SCOC: variants seen among roughly 807,000 people sequenced by gnomAD.
The protein encoded by SCOC is short coiled coil protein.
SCOC carries 7 observed loss-of-function variants against 9.9 expected under a neutral mutation model. The observed-to-expected ratio is 0.71, with a 90% confidence interval of 0.40 to 1.33. The LOEUF is 1.33. SCOC is among the 40% of genes most tolerant of loss of function. The pLI, the probability that SCOC is intolerant of heterozygous loss-of-function variation, is 0.01. For missense variants in SCOC, 66 were observed against 89.7 expected (o/e 0.74, Z 1.07); for synonymous variants, 19 against 28.2 (o/e 0.67, Z 1.03).
Position 140,321,322 on chromosome 4 carries a change from G to A in SCOC, c.-18-22299G>A, listed in dbSNP as rs145211438. On this transcript the variant is annotated intron_variant, in intron 1 of 4. Transcript: ENST00000394205. ...ACACAAAAAGGCAAGAAAAAACACA[G>A]TATGGAAAACTGTGTTTCCCAAAGT... Among the ~76,000 whole-genome samples the A allele has an allele frequency of 6.6e-3, 1,009 of 152,254 alleles. 12 individuals carry two copies. The highest frequency in any genetic ancestry group is 0.011 in the Non-Finnish European group (745 of 68,020).
At chr4:140,337,204 C>T (rs1217719253) in intron 1 of SCOC, among the ~76,000 whole-genome samples, 2 of 152,058 alleles carry the variant, frequency 1.3e-5, no homozygotes, top group African/African-American at 2.4e-5. Flanking sequence ...TTCACATTCT[C>T]GATAATGTCT....
chr4:140,287,431 T>C (rs1731318829), intron 1 of SCOC, among the ~76,000 whole-genome samples: 1 of 147,774 alleles, frequency 6.8e-6, no homozygotes, highest in Admixed American at 6.7e-5. Flanking sequence ...ACACAGACCA[T>C]GCACATACAT....
chr4:140,313,762 G>A (rs1030366085), intron 1 of SCOC, among the ~76,000 whole-genome samples: 1 of 151,874 alleles, frequency 6.6e-6, no homozygotes, highest in Admixed American at 6.6e-5. Context: ...AAGCAAAAAA[G>A]CCATCGTTTC....
At chr4:140,362,305 T>TCTTCTTCTTCTTCTTCTTC (rs1357436782) in intron 2 of SCOC, among the ~76,000 whole-genome samples, 6 of 9,236 alleles carry the variant, frequency 6.5e-4, no homozygotes, top group East Asian at 3.9e-3. Context: ...TCTTCTTTTT[T>TCTTCTTCTTCTTCTTCTTC]TTTTTTTTTT....
At chr4:140,337,246 A>G (rs1488511069) in intron 1 of SCOC, among the ~76,000 whole-genome samples, 1 of 152,194 alleles carries the variant, frequency 6.6e-6, no homozygotes, top group Non-Finnish European at 1.5e-5. Flanking sequence ...ATTTTTATGA[A>G]GTCCAATTTA....
At chr4:140,338,021 C>T (rs1172185481) in intron 1 of SCOC, among the ~76,000 whole-genome samples, 2 of 152,180 alleles carry the variant, frequency 1.3e-5, no homozygotes, top group African/African-American at 4.8e-5. Flanking sequence ...ACCAATATCC[C>T]TGATGAACAT....
At chr4:140,265,539 G>A (rs1427985914) in intron 1 of SCOC, among the ~76,000 whole-genome samples, 1 of 152,200 alleles carries the variant, frequency 6.6e-6, no homozygotes, top group Non-Finnish European at 1.5e-5. Flanking sequence ...ACAGAAAAGG[G>A]AAACTGACTT....
chr4:140,360,019 T>C (rs1247566120), intron 2 of SCOC, among the ~76,000 whole-genome samples: 2 of 152,168 alleles, frequency 1.3e-5, no homozygotes, highest in Admixed American at 6.5e-5. Flanking sequence ...TTGACTCCTC[T>C]GGGTCTCATT....
rs1025996415 is a variant in SCOC, at chr4:140,366,788, C to A, written c.71-12333C>A. The A allele has an allele frequency of 4.5e-6, 6 of 1,327,160 alleles. No homozygotes were observed. In the East Asian group the frequency reaches 6.9e-5, roughly 15 times the overall value. 82.2% of individuals were successfully genotyped at this position (1,327,160 alleles called of 1,614,324 possible). A position where few individuals can be genotyped will look rare whatever the true frequency, so the allele number is the denominator to read the frequency against. The stretch of plus-strand genomic sequence containing the variant: ...TGATCAATAACATCTACAGTTGCAA[C>A]CAATTTTCTGGCACGAGGTCCAGAG... On this transcript the variant is annotated intron_variant, in intron 2 of 4. Coordinates refer to the SCOC transcript ENST00000338517.
At chr4:140,334,799 G>A (rs964308355) in intron 1 of SCOC, among the ~76,000 whole-genome samples, 10 of 151,978 alleles carry the variant, frequency 6.6e-5, no homozygotes, top group African/African-American at 2.4e-4. Context: ...CCATGAGTTT[G>A]ACTATTTTAG....
intron 1 of SCOC, among the ~76,000 whole-genome samples, chr4:140,312,261 C>G (rs977127053): frequency 1.3e-5 from 2 of 152,094 alleles, no homozygotes; most frequent in Admixed American, 1.3e-4. Flanking sequence ...AAGCTCTATG[C>G]TTTCCAACAA....
At chr4:140,336,350 C>T (rs749586624) in intron 1 of SCOC, among the ~76,000 whole-genome samples, 26 of 152,154 alleles carry the variant, frequency 1.7e-4, no homozygotes, top group Non-Finnish European at 1.6e-4. Context: ...CCCAGAAACA[C>T]ACCCCATAGC....
At chr4:140,369,338 T>A, upstream of SCOC, 1 of 401,448 alleles carries the variant, frequency 2.5e-6, no homozygotes, top group Non-Finnish European at 4.9e-6. Context: ...CATTCTCCAA[T>A]GAATTCAATA....
At chr4:140,267,902 A>G (rs921006242) in intron 1 of SCOC, among the ~76,000 whole-genome samples, 2 of 152,126 alleles carry the variant, frequency 1.3e-5, no homozygotes, top group Non-Finnish European at 2.9e-5. Flanking sequence ...CGACCGATAC[A>G]CTGGCCTCCG....
intron 2 of SCOC, among the ~76,000 whole-genome samples, chr4:140,365,552 A>T (rs965698273): frequency 2.6e-5 from 4 of 152,202 alleles, no homozygotes; most frequent in Admixed American, 2.6e-4. Context: ...TCAGACAGAA[A>T]TTACAATGTA....
rs72714296 is a variant in SCOC, at chr4:140,322,964, T to C, written c.-18-20657T>C. Among the ~76,000 whole-genome samples the C allele has an allele frequency of 6.9e-3, 1,049 of 151,948 alleles. 2 individuals are homozygous for C. The highest frequency in any genetic ancestry group is 0.011 in the Non-Finnish European group (739 of 67,968). On this transcript the variant is annotated intron_variant, in intron 1 of 4. Coordinates refer to the SCOC transcript ENST00000394205. Reference sequence around the variant, plus strand: ...GCTAGGCCTAGAAATATCATCAGAGTGACCAGATGAAAGGAAATAATATAG... The same window carrying C: ...GCTAGGCCTAGAAATATCATCAGAGCGACCAGATGAAAGGAAATAATATAG...
At chr4:140,320,691 C>T (rs1409569292) in intron 1 of SCOC, among the ~76,000 whole-genome samples, 1 of 152,114 alleles carries the variant, frequency 6.6e-6, no homozygotes, top group East Asian at 1.9e-4. Flanking sequence ...GCAGCCACTG[C>T]CCAAACACCA....
intron 1 of SCOC, among the ~76,000 whole-genome samples, chr4:140,291,121 G>A (rs1309729960): frequency 1.8e-4 from 28 of 152,112 alleles, no homozygotes; most frequent in Admixed American, 1.8e-3. Context: ...CTGAGTGGCA[G>A]GGCAAGCCTG....
At chr4:140,321,386 C>T (rs1560700088) in intron 1 of SCOC, among the ~76,000 whole-genome samples, 2 of 152,202 alleles carry the variant, frequency 1.3e-5, no homozygotes, top group East Asian at 1.9e-4. Flanking sequence ...TTGGATTTAT[C>T]AGACAGGGAA....
Sources: gnomAD v4.1 joint callset for allele counts (sites outside exome capture counted in the v4.1 genomes callset) on GRCh38, gnomAD v4.1.1 for gene constraint, MANE v1.5 for transcripts, NCBI Gene and HGNC (gene_info 2026-07-23, HGNC 2026-07-21) for gene names.